NEDD4L: variants seen among roughly 807,000 people sequenced by gnomAD.
NEDD4L encodes the protein NEDD4 like E3 ubiquitin protein ligase.
In NEDD4L, 54 loss-of-function variants were observed where a neutral mutation model predicts 148.9. That is an observed-to-expected ratio of 0.36 (90% CI 0.29 to 0.45). The LOEUF (loss-of-function observed/expected upper bound fraction) is 0.45, where lower values mean the gene tolerates loss of function less well. NEDD4L is among the 20% of genes least tolerant of loss of function. The pLI, the probability that NEDD4L is intolerant of heterozygous loss-of-function variation, is 1.00. For missense variants in NEDD4L, 856 were observed against 1,233.8 expected (o/e 0.69, Z 4.59); for synonymous variants, 433 against 440.7 (o/e 0.98, Z 0.22).
chr18:58,054,994 G>A (rs1824291528), intron 1 of NEDD4L: 1 of 152,140 alleles, frequency 6.6e-6, no homozygotes. Context: ...GAGAAGTGAG[G>A]TACAGAAGAG....
chr18:58,394,065 C>T (rs2050168062), intron 30 of NEDD4L, among the ~76,000 whole-genome samples: 1 of 152,178 alleles, frequency 6.6e-6, no homozygotes. Context: ...GACGCTGAAG[C>T]CCTGTGAGGA....
At chr18:58,350,711 G>A (rs2043766912) in intron 17 of NEDD4L, among the ~76,000 whole-genome samples, 1 of 152,200 alleles carries the variant, frequency 6.6e-6, no homozygotes, top group Non-Finnish European at 1.5e-5. Context: ...ACTGTTCCAT[G>A]GAATGCTGCG....
intron 1 of NEDD4L, among the ~76,000 whole-genome samples, chr18:58,127,062 C>T (rs939037586): frequency 6.6e-6 from 1 of 152,218 alleles, no homozygotes; most frequent in South Asian, 2.1e-4. Context: ...ACCTTCTTCT[C>T]TGCTTACCTG....
At chr18:58,052,286 G>A (rs949973377) in intron 1 of NEDD4L, among the ~76,000 whole-genome samples, 2 of 152,116 alleles carry the variant, frequency 1.3e-5, no homozygotes, top group Admixed American at 6.5e-5. Context: ...GGTGGTTGGC[G>A]ATGTAAAGAT....
intron 2 of NEDD4L, among the ~76,000 whole-genome samples, chr18:58,214,815 T>TTTTTTTTTTTTTTTTTG (rs1291603873): frequency 1.6e-5 from 2 of 127,122 alleles, no homozygotes; most frequent in African/African-American, 3.0e-5. Context: ...TTTTTTTTTT[T>TTTTTTTTTTTTTTTTTG]TTGTTGTTGT....
At chr18:58,067,035 AT>A (rs2082636634) in intron 1 of NEDD4L, among the ~76,000 whole-genome samples, 1 of 152,190 alleles carries the variant, frequency 6.6e-6, no homozygotes, top group Non-Finnish European at 1.5e-5. Context: ...TTAAAAAAAA[AT>A]TTTTAAGATT....
chr18:58,177,196 T>C (rs747971295), intron 2 of NEDD4L, among the ~76,000 whole-genome samples: 5 of 152,050 alleles, frequency 3.3e-5, no homozygotes, highest in Non-Finnish European at 7.4e-5. Flanking sequence ...GCCCGTGCCC[T>C]GAATCTGGAG....
chr18:58,140,923 G>A (rs181230388), intron 1 of NEDD4L, among the ~76,000 whole-genome samples: 1 of 152,208 alleles, frequency 6.6e-6, no homozygotes, highest in Non-Finnish European at 1.5e-5. Context: ...TAACTATCAC[G>A]TTGTCAATAA....
At chr18:58,304,209 G>A (rs1268813942) in intron 5 of NEDD4L, among the ~76,000 whole-genome samples, 4 of 152,054 alleles carry the variant, frequency 2.6e-5, no homozygotes, top group African/African-American at 9.7e-5. Context: ...CTGACTTTGA[G>A]ATACCCTAGT....
chr18:58,291,180 C>T (rs910349000), intron 5 of NEDD4L, among the ~76,000 whole-genome samples: 1 of 151,262 alleles, frequency 6.6e-6, no homozygotes. Flanking sequence ...AGAACCAGGC[C>T]GACCAACCCA....
chr18:58,112,857 C>T lies in NEDD4L; in HGVS notation c.49-52931C>T, dbSNP rs116971345. Among the ~76,000 whole-genome samples, 831 of 152,248 alleles carry T rather than the reference C, an allele frequency of 5.5e-3. 6 individuals are homozygous for T. Among genetic ancestry groups the T allele is most frequent in the South Asian group, 0.023 (113 of 4,818 alleles). On this transcript the variant is annotated intron_variant, in intron 1 of 30. Transcript: ENST00000400345. ...TCTACTATAGACTGAATATTTGCAT[C>T]CTAAACCCCAATGGGATGGTATTAG...
intron 1 of NEDD4L, among the ~76,000 whole-genome samples, chr18:58,074,528 C>T (rs2083065075): frequency 6.6e-6 from 1 of 150,676 alleles, no homozygotes. Context: ...TCACCTCGGC[C>T]TCCCAAAGTG....
chr18:58,152,211 A>G (rs1355110692), intron 1 of NEDD4L, among the ~76,000 whole-genome samples: 2 of 152,170 alleles, frequency 1.3e-5, no homozygotes, highest in Non-Finnish European at 2.9e-5. Context: ...GTGTCTTCTC[A>G]CGGGGTGATT....
chr18:58,115,138 T>C (rs527917254), intron 1 of NEDD4L, among the ~76,000 whole-genome samples: 3 of 152,308 alleles, frequency 2.0e-5, no homozygotes, highest in South Asian at 2.1e-4. Flanking sequence ...GCGTCTGATA[T>C]TGTGAACCTG....
intron 1 of NEDD4L, among the ~76,000 whole-genome samples, chr18:58,080,101 T>G (rs1243327095): frequency 6.6e-6 from 1 of 152,076 alleles, no homozygotes; most frequent in Admixed American, 6.6e-5. Context: ...AGTTTTAAAT[T>G]TTTTGTAGAG....
chr18:58,055,764 T>G (rs4349234), intron 1 of NEDD4L, among the ~76,000 whole-genome samples: 113,458 of 152,194 alleles, frequency 0.75, 42,801 homozygotes, highest in East Asian at 0.98. Flanking sequence ...CTGTGGACAC[T>G]TAAAGTTTGA....
At chr18:58,092,797 GTAAAAT>G (rs2084153670) in intron 1 of NEDD4L, among the ~76,000 whole-genome samples, 1 of 146,346 alleles carries the variant, frequency 6.8e-6, no homozygotes. Context: ...AGATTAAAAG[GTAAAAT>G]TCTCTCCCTG....
At position 58,256,584 on chromosome 18, in the gene NEDD4L, C is replaced by T; in HGVS notation, c.297+4530C>T. On this transcript the variant is annotated intron_variant, in intron 5 of 30. Coordinates refer to ENST00000400345, the MANE Select transcript of NEDD4L (RefSeq NM_001144967.3). This position sits in a 1 kb window ranked among gnomAD's most constrained non-coding sequence, Gnocchi z 5.2. Reference sequence around the variant, plus strand: ...TCGCCTCGAGCTGGCAGGATGGCTCCTGAAATCCGCAGGACGAACTCCGCG... The same window carrying T: ...TCGCCTCGAGCTGGCAGGATGGCTCTTGAAATCCGCAGGACGAACTCCGCG... 1.6e-6 allele frequency: 2 copies of T among 1,232,310 alleles called. No individual in the cohort carries two copies. Among genetic ancestry groups the T allele is most frequent in the East Asian group, 3.2e-5 (1 of 31,698 alleles). The allele number at this position is 1,232,310 out of a possible 1,614,324, so 76.3% of individuals were successfully genotyped here. A position where few individuals can be genotyped will look rare whatever the true frequency, so the allele number is the denominator to read the frequency against.
At chr18:58,228,861 C>T (rs1327872401) in intron 2 of NEDD4L, among the ~76,000 whole-genome samples, 1 of 152,222 alleles carries the variant, frequency 6.6e-6, no homozygotes, top group Non-Finnish European at 1.5e-5. Context: ...ATGCACTCTT[C>T]CACACTTGGA....
Sources: allele counts gnomAD v4.1 joint callset (sites outside exome capture counted in the v4.1 genomes callset), GRCh38; gene constraint gnomAD v4.1.1; non-coding constraint Gnocchi (gnomAD v3.1); transcripts MANE v1.5; gene names NCBI Gene and HGNC (gene_info 2026-07-23, HGNC 2026-07-21).